PTPRR: variants seen among roughly 807,000 people sequenced by gnomAD.
The protein encoded by PTPRR is receptor-type tyrosine-protein phosphatase R.
A neutral mutation model predicts 77.2 loss-of-function variants in PTPRR; 38 were observed. The ratio of observed to expected loss-of-function variants is 0.49; its 90% confidence interval spans 0.38 to 0.65. PTPRR has a LOEUF of 0.65. PTPRR is among the 30% of genes least tolerant of loss of function. The pLI is 0.00. For synonymous variants in PTPRR, 299 were observed against 283.1 expected (o/e 1.06, Z -0.57); for missense variants, 744 against 799.2 (o/e 0.93, Z 0.83).
chr12:70,882,784 G>C (rs1204257463), intron 2 of PTPRR, among the ~76,000 whole-genome samples: 1 of 152,084 alleles, frequency 6.6e-6, no homozygotes, highest in African/African-American at 2.4e-5. Context: ...TCCGCTACTG[G>C]TTTGAGTCCC....
At chr12:70,868,006 C>G (rs1369279823) in intron 2 of PTPRR, among the ~76,000 whole-genome samples, 3 of 152,256 alleles carry the variant, frequency 2.0e-5, no homozygotes, top group Admixed American at 1.3e-4. Flanking sequence ...GAAACTCGAT[C>G]CCTTCCTTAC....
chr12:70,681,265 G>T (rs924366050), intron 10 of PTPRR, among the ~76,000 whole-genome samples: 4 of 152,154 alleles, frequency 2.6e-5, no homozygotes, highest in Admixed American at 6.6e-5. Context: ...CTCTAGTTGT[G>T]GCTCTGGTTT....
intron 1 of PTPRR, among the ~76,000 whole-genome samples, chr12:70,899,394 T>C (rs1893490974): frequency 6.6e-6 from 1 of 151,534 alleles, no homozygotes; most frequent in Non-Finnish European, 1.5e-5. Context: ...CTGATTTTCC[T>C]GGGAATGTAG....
At chr12:70,771,969 A>G (rs1890987600) in intron 2 of PTPRR, among the ~76,000 whole-genome samples, 1 of 152,142 alleles carries the variant, frequency 6.6e-6, no homozygotes, top group Non-Finnish European at 1.5e-5. Context: ...TTTGCTTAGG[A>G]AAAAATCTAA....
chr12:70,776,666 G>A (rs1042818115), intron 2 of PTPRR, among the ~76,000 whole-genome samples: 4 of 151,896 alleles, frequency 2.6e-5, no homozygotes, highest in Admixed American at 6.6e-5. Context: ...TCAGTGCTAG[G>A]GGCTCTTTCT....
At chr12:70,814,457 A>T (rs913692230) in intron 2 of PTPRR, among the ~76,000 whole-genome samples, 1 of 152,144 alleles carries the variant, frequency 6.6e-6, no homozygotes, top group Non-Finnish European at 1.5e-5. Context: ...TCTAAAGGGA[A>T]GTTGGCTTGC....
chr12:70,667,095 AC>A (rs1887037790), intron 10 of PTPRR, among the ~76,000 whole-genome samples: 1 of 151,652 alleles, frequency 6.6e-6, no homozygotes, highest in South Asian at 2.1e-4. Flanking sequence ...AGCTGGGACT[AC>A]AGGCGCCCGC....
chr12:70,693,965 C>A (rs183643368), intron 8 of PTPRR, among the ~76,000 whole-genome samples: 15 of 152,184 alleles, frequency 9.9e-5, no homozygotes, highest in Admixed American at 9.2e-4. Context: ...AGACATTTTA[C>A]ACATACTATC....
intron 2 of PTPRR, among the ~76,000 whole-genome samples, chr12:70,803,355 A>G (rs1379583854): frequency 6.6e-6 from 1 of 152,230 alleles, no homozygotes. Context: ...TTGCAGGGCA[A>G]TCACCAAAAG....
At chr12:70,869,423 C>G (rs886685656) in intron 2 of PTPRR, among the ~76,000 whole-genome samples, 4 of 152,032 alleles carry the variant, frequency 2.6e-5, no homozygotes, top group Non-Finnish European at 5.9e-5. Flanking sequence ...ATGGAGCTGT[C>G]CTGAGTTGCC....
chr12:70,683,494 C>A (rs1338527490), intron 10 of PTPRR, among the ~76,000 whole-genome samples: 1 of 152,068 alleles, frequency 6.6e-6, no homozygotes, highest in African/African-American at 2.4e-5. Context: ...GTTTCTGTAA[C>A]TGTCCTCAAA....
intron 1 of PTPRR, among the ~76,000 whole-genome samples, chr12:70,899,243 C>T (rs73333921): frequency 6.6e-6 from 1 of 151,068 alleles, no homozygotes; most frequent in Non-Finnish European, 1.5e-5. Context: ...ACCCTGATAA[C>T]AAAAGCAGAT....
chr12:70,710,215 T>C (rs1052250067), intron 6 of PTPRR, among the ~76,000 whole-genome samples: 5 of 151,988 alleles, frequency 3.3e-5, no homozygotes, highest in South Asian at 2.1e-4. Context: ...CGGAGACCAA[T>C]GGAACAGAAT....
intron 2 of PTPRR, among the ~76,000 whole-genome samples, chr12:70,774,959 C>T (rs964058876): frequency 2.6e-5 from 4 of 152,150 alleles, no homozygotes; most frequent in Admixed American, 1.3e-4. Flanking sequence ...AGTAACAAGG[C>T]AACAGCTTTC....
intron 2 of PTPRR, among the ~76,000 whole-genome samples, chr12:70,809,487 A>T (rs1592769276): frequency 6.6e-6 from 1 of 152,318 alleles, no homozygotes; most frequent in Non-Finnish European, 1.5e-5. Flanking sequence ...TTTTAAAAAT[A>T]TGCATTATTA....
chr12:70,748,463 A>T (rs1890282425), intron 5 of PTPRR, among the ~76,000 whole-genome samples: 2 of 152,204 alleles, frequency 1.3e-5, no homozygotes, highest in African/African-American at 4.8e-5. Context: ...TACCGTAGCA[A>T]TGGCAAGTCA....
rs549357930 is a variant in PTPRR, at chr12:70,775,990, A to T, written c.358-11212T>A. On this transcript the variant is annotated intron_variant, in intron 2 of 13. Coordinates refer to ENST00000283228, the MANE Select transcript of PTPRR (RefSeq NM_002849.4). Reference sequence around the variant, plus strand: ...ACTTGTCCTCTGCTATTAGTTACAGATTAATTATTTTTATTTCTATATTAC... The same window carrying T: ...ACTTGTCCTCTGCTATTAGTTACAGTTTAATTATTTTTATTTCTATATTAC... Among the ~76,000 whole-genome samples, 9 of 152,112 alleles carry T rather than the reference A, an allele frequency of 5.9e-5. No homozygotes were observed. The East Asian group carries it at 1.7e-3, about 29-fold the overall frequency.
At chr12:70,797,854 G>A (rs1188894481) in intron 2 of PTPRR, among the ~76,000 whole-genome samples, 2 of 152,030 alleles carry the variant, frequency 1.3e-5, no homozygotes, top group African/African-American at 4.8e-5. Context: ...ATGATGCTTA[G>A]GGTTCCTGCC....
At chr12:70,710,516 T>A (rs933144580) in intron 6 of PTPRR, among the ~76,000 whole-genome samples, 1 of 152,056 alleles carries the variant, frequency 6.6e-6, no homozygotes, top group Non-Finnish European at 1.5e-5. Flanking sequence ...GATGAAGATG[T>A]CAAAAATGAT....
Sources: gnomAD v4.1 joint callset for allele counts (sites outside exome capture counted in the v4.1 genomes callset) on GRCh38, gnomAD v4.1.1 for gene constraint, MANE v1.5 for transcripts, NCBI Gene and HGNC (gene_info 2026-07-23, HGNC 2026-07-21) for gene names.